GPATCH2: variants seen among roughly 807,000 people sequenced by gnomAD.
GPATCH2 encodes the protein G-patch domain containing 2, also known as G patch domain-containing protein 2.
In GPATCH2, 51 loss-of-function variants were observed where a neutral mutation model predicts 58.0. That is an observed-to-expected ratio of 0.88 (90% CI 0.70 to 1.11). GPATCH2 has a LOEUF of 1.11. Among genes scored for constraint, GPATCH2 ranks in the 50% most tolerant of loss-of-function variants. GPATCH2 has a pLI of 0.00. For synonymous variants in GPATCH2, 222 were observed against 218.5 expected (o/e 1.02, Z -0.14); for missense variants, 625 against 652.2 (o/e 0.96, Z 0.45).
At chr1:217,589,476 C>A (rs144123834) in intron 5 of GPATCH2, among the ~76,000 whole-genome samples, 14 of 152,282 alleles carry the variant, frequency 9.2e-5, no homozygotes, top group African/African-American at 2.6e-4. Context: ...GGTCATTTCA[C>A]TTGTAAATAT....
rs1176879297 is a variant in GPATCH2, at chr1:217,427,273, T to C, written c.*3872A>G. 1 of 152,070 alleles carries C rather than the reference T, an allele frequency of 6.6e-6. No individual in the cohort carries two copies. Among genetic ancestry groups the C allele is most frequent in the Non-Finnish European group, 1.5e-5 (1 of 67,988 alleles). 9.4% of individuals were successfully genotyped at this position (152,070 alleles called of 1,614,324 possible). On this transcript the variant is annotated 3_prime_UTR_variant, in exon 10 of 10. Coordinates refer to ENST00000366935, the MANE Select transcript of GPATCH2 (RefSeq NM_018040.5). ...GTCTAATCAAGCTTCACAGAAACAA[T>C]AAAAACAGGAAAATGTGGTAGAGCA...
intron 1 of GPATCH2, among the ~76,000 whole-genome samples, chr1:217,622,271 G>A (rs147460318): frequency 6.6e-6 from 1 of 152,306 alleles, no homozygotes; most frequent in African/African-American, 2.4e-5. Context: ...CATAGCTGGT[G>A]AAAGTAAACT....
chr1:217,498,436 A>G, intron 6 of GPATCH2, 41 bp from the exon 7 acceptor site: 2 of 1,479,260 alleles, frequency 1.4e-6, no homozygotes, highest in South Asian at 1.1e-5. Flanking sequence ...GAACCTAACT[A>G]AAAGCACGTG....
At chr1:217,512,234 A>T (rs1450884926) in intron 6 of GPATCH2, among the ~76,000 whole-genome samples, 1 of 152,122 alleles carries the variant, frequency 6.6e-6, no homozygotes, top group Admixed American at 6.5e-5. Context: ...AGGCCAGGGG[A>T]TCACGTAAGC....
At chr1:217,527,471 A>G (rs932915466) in intron 5 of GPATCH2, among the ~76,000 whole-genome samples, 1 of 140,536 alleles carries the variant, frequency 7.1e-6, no homozygotes, top group African/African-American at 2.6e-5. Flanking sequence ...TACGGCCAAT[A>G]ACATCCATTT....
intron 5 of GPATCH2, among the ~76,000 whole-genome samples, chr1:217,595,675 T>G (rs557395991): frequency 4.8e-4 from 73 of 152,030 alleles, no homozygotes; most frequent in Non-Finnish European, 8.8e-4. Context: ...AATTTTTGTA[T>G]TTTTAGTAGA....
chr1:217,585,214 T>G (rs1667283241), intron 5 of GPATCH2, among the ~76,000 whole-genome samples: 1 of 152,130 alleles, frequency 6.6e-6, no homozygotes, highest in Non-Finnish European at 1.5e-5. Context: ...TGAGACTCAT[T>G]CATGTTAATG....
At chr1:217,586,771 T>G (rs1571968342) in intron 5 of GPATCH2, among the ~76,000 whole-genome samples, 1 of 152,208 alleles carries the variant, frequency 6.6e-6, no homozygotes, top group South Asian at 2.1e-4. Context: ...AACATGTGAC[T>G]AATGTACTGC....
At position 217,448,383 on chromosome 1, in the gene GPATCH2, A is replaced by G. The variant is rs146923224; in HGVS notation, c.1366+866T>C. Reference sequence around the variant, plus strand: ...TATTATTCTTTGTATCTACACTGAAAAACATTTTCTCATACAGCTTGCTGC... The same window carrying G: ...TATTATTCTTTGTATCTACACTGAAGAACATTTTCTCATACAGCTTGCTGC... On this transcript the variant is annotated intron_variant, in intron 9 of 9. Coordinates refer to ENST00000366935, the MANE Select transcript of GPATCH2 (RefSeq NM_018040.5). Among the ~76,000 whole-genome samples, 1,347 of 152,298 alleles carry G rather than the reference A, an allele frequency of 8.8e-3. 20 individuals are homozygous for G. The highest frequency in any genetic ancestry group is 0.03 in the African/African-American group (1,263 of 41,554).
chr1:217,450,720 T>C (rs1659623751), intron 8 of GPATCH2, among the ~76,000 whole-genome samples: 1 of 152,168 alleles, frequency 6.6e-6, no homozygotes, highest in African/African-American at 2.4e-5. Flanking sequence ...TTAGCTCTGC[T>C]TGGCTCTCCA....
chr1:217,561,390 T>C (rs1367872339), intron 5 of GPATCH2, among the ~76,000 whole-genome samples: 2 of 152,122 alleles, frequency 1.3e-5, no homozygotes, highest in Admixed American at 6.6e-5. Context: ...TGAGATAAAA[T>C]CACACTTGGA....
At chr1:217,474,053 G>A (rs758435725) in intron 8 of GPATCH2, among the ~76,000 whole-genome samples, 10 of 152,116 alleles carry the variant, frequency 6.6e-5, no homozygotes, top group East Asian at 1.9e-4. Context: ...TACAATAAAC[G>A]TATGAATCAA....
chr1:217,463,137 A>G (rs1352490686), intron 8 of GPATCH2, among the ~76,000 whole-genome samples: 1 of 152,208 alleles, frequency 6.6e-6, no homozygotes, highest in Non-Finnish European at 1.5e-5. Context: ...TCTGCGGTTG[A>G]GATCATATTT....
chr1:217,628,682 T>TA (rs553392606), intron 1 of GPATCH2, among the ~76,000 whole-genome samples: 2,278 of 131,128 alleles, frequency 0.017, 71 homozygotes, highest in Admixed American at 0.071. Context: ...ATAATAAAGT[T>TA]AAAAAAAAAA....
At chr1:217,454,531 GTGAGTCGA>G (rs1659838730) in intron 8 of GPATCH2, among the ~76,000 whole-genome samples, 2 of 140,930 alleles carry the variant, frequency 1.4e-5, no homozygotes, top group Admixed American at 1.5e-4. Context: ...AGAGCTTGCA[GTGAGTCGA>G]GATCGCGCCA....
intron 5 of GPATCH2, among the ~76,000 whole-genome samples, chr1:217,603,981 AT>A (rs1219022331): frequency 6.6e-6 from 1 of 152,144 alleles, no homozygotes; most frequent in Admixed American, 6.5e-5. Flanking sequence ...TAAAAGAAAT[AT>A]TTATTATAAT....
At chr1:217,547,118 C>T (rs1164785223) in intron 5 of GPATCH2, among the ~76,000 whole-genome samples, 1 of 152,112 alleles carries the variant, frequency 6.6e-6, no homozygotes, top group African/African-American at 2.4e-5. Flanking sequence ...AATTCCAGCA[C>T]TTAGGGAGGC....
intron 6 of GPATCH2, among the ~76,000 whole-genome samples, chr1:217,502,385 T>C (rs1283999187): frequency 6.6e-6 from 1 of 151,644 alleles, no homozygotes; most frequent in Admixed American, 6.6e-5. Flanking sequence ...AGATCTCTTT[T>C]GATTTCTTTC....
intron 5 of GPATCH2, among the ~76,000 whole-genome samples, chr1:217,571,717 A>AAC (rs1288744279): frequency 6.7e-6 from 1 of 148,248 alleles, no homozygotes; most frequent in Non-Finnish European, 1.5e-5. Context: ...AAAAAAAAAA[A>AAC]AAACAAAAAA....
Sources: gnomAD v4.1 joint callset for allele counts (sites outside exome capture counted in the v4.1 genomes callset) on GRCh38, gnomAD v4.1.1 for gene constraint, MANE v1.5 for transcripts, NCBI Gene and HGNC (gene_info 2026-07-23, HGNC 2026-07-21) for gene names.